Variants in NEK1 observed in about 807,000 individuals in gnomAD.
NEK1 encodes NIMA related kinase 1.
Under a neutral mutation model 182.1 loss-of-function variants are expected in NEK1, and 137 were observed. That is an observed-to-expected ratio of 0.75 (90% CI 0.65 to 0.87). The LOEUF (loss-of-function observed/expected upper bound fraction) is 0.87. Among genes scored for constraint, NEK1 ranks in the 40% least tolerant of loss-of-function variants. The pLI is 0.00. For synonymous variants in NEK1, 513 were observed against 492.2 expected (o/e 1.04, Z -0.56); for missense variants, 1,391 against 1,494.4 (o/e 0.93, Z 1.14).
intron 26 of NEK1, among the ~76,000 whole-genome samples, chr4:169,468,349 G>A (rs1745313737): frequency 6.6e-6 from 1 of 152,094 alleles, no homozygotes; most frequent in Admixed American, 6.6e-5. Context: ...TTAGGCAGGG[G>A]CAAACTTTCT....
intron 11 of NEK1, among the ~76,000 whole-genome samples, chr4:169,579,429 G>A (rs1397596021): frequency 1.3e-5 from 2 of 152,252 alleles, no homozygotes; most frequent in East Asian, 3.9e-4. Flanking sequence ...TTGGTCTCTT[G>A]TAAATTCTAA....
At chr4:169,577,229 T>A (rs1765835056) in intron 11 of NEK1, 150 bp from the exon 12 acceptor site, 1 of 801,204 alleles carries the variant, frequency 1.2e-6, no homozygotes, top group Non-Finnish European at 1.9e-6. Context: ...CCCTTAGTAT[T>A]TACTAATGCC....
At chr4:169,424,363 C>G (rs963001510) in intron 31 of NEK1, among the ~76,000 whole-genome samples, 190 bp downstream of exon 31, 1 of 152,072 alleles carries the variant, frequency 6.6e-6, no homozygotes, top group Non-Finnish European at 1.5e-5. Flanking sequence ...GAACAGGAAG[C>G]CAATGAAATA....
At position 169,511,734 on chromosome 4, in the gene NEK1, T is replaced by C. The variant is rs552008558; in HGVS notation, c.1666-2882A>G. Among the ~76,000 whole-genome samples the C allele has an allele frequency of 4.6e-5, 7 of 152,272 alleles. 1 individual carries two copies. Among genetic ancestry groups the C allele is most frequent in the Admixed American group, 2.6e-4 (4 of 15,284 alleles). On this transcript the variant is annotated intron_variant, in intron 19 of 35. Coordinates refer to ENST00000507142, the MANE Select transcript of NEK1 (RefSeq NM_001199397.3). ...TATGTTAATTCCACCCTAATCAAGA[T>C]GCTTAGCTGTATTATTACTGGAACA...
intron 33 of NEK1, 73 bp from the exon 34 acceptor site, chr4:169,400,724 C>A: frequency 1.8e-6 from 2 of 1,084,160 alleles, no homozygotes; most frequent in South Asian, 2.0e-5. Flanking sequence ...GACTAAAATT[C>A]TATGACAAAT....
intron 23 of NEK1, among the ~76,000 whole-genome samples, chr4:169,498,718 T>C (rs987445682): frequency 6.6e-6 from 1 of 152,250 alleles, no homozygotes; most frequent in Admixed American, 6.5e-5. Flanking sequence ...TCTTTAAGAA[T>C]GTTGAATAAT....
chr4:169,456,019 C>T (rs1742811232), intron 27 of NEK1, among the ~76,000 whole-genome samples: 1 of 152,154 alleles, frequency 6.6e-6, no homozygotes, highest in Admixed American at 6.5e-5. Flanking sequence ...AGTTTCTTCT[C>T]TGACCACAAT....
chr4:169,510,723 T>A (rs1167085736), intron 19 of NEK1, among the ~76,000 whole-genome samples: 1 of 152,194 alleles, frequency 6.6e-6, no homozygotes, highest in African/African-American at 2.4e-5. Flanking sequence ...ATTTGTGATC[T>A]CGCCATTTCT....
intron 23 of NEK1, among the ~76,000 whole-genome samples, chr4:169,503,422 C>G (rs1398316066): frequency 6.6e-6 from 1 of 151,984 alleles, no homozygotes; most frequent in African/African-American, 2.4e-5. Context: ...CAAAGTTATC[C>G]TGAGCAAAAA....
intron 27 of NEK1, among the ~76,000 whole-genome samples, chr4:169,446,510 C>A (rs568892383): frequency 6.6e-6 from 1 of 152,180 alleles, no homozygotes; most frequent in South Asian, 2.1e-4. Context: ...CACCGATGAA[C>A]ACCCATAACA....
intron 26 of NEK1, among the ~76,000 whole-genome samples, chr4:169,468,365 G>C (rs1745316816): frequency 6.6e-6 from 1 of 152,140 alleles, no homozygotes; most frequent in African/African-American, 2.4e-5. Context: ...TTTCTGGGGT[G>C]ATGTTAATGT....
chr4:169,425,442 GAA>G lies in NEK1; in HGVS notation c.2975-644_2975-643del, dbSNP rs35489092. ...GTCTCTCAAGAAAAACAAACAAAAT[GAA>G]AAAAAAAAAAAGACATAAATCCAAA... On this transcript the variant is annotated intron_variant, in intron 30 of 35. Transcript: ENST00000507142. Among the ~76,000 whole-genome samples, 24 of 100,744 alleles carry G rather than the reference GAA, an allele frequency of 2.4e-4. No individual in the cohort carries two copies. The South Asian group carries it at 6.5e-3, about 27-fold the overall frequency. The allele number at this position is 100,744 out of a possible 152,430, so 66.1% of individuals were successfully genotyped here.
intron 12 of NEK1, among the ~76,000 whole-genome samples, chr4:169,575,965 CTTTT>C (rs1292469970): frequency 3.3e-5 from 5 of 150,288 alleles, no homozygotes; most frequent in Admixed American, 6.6e-5. Flanking sequence ...TTCTAAATTT[CTTTT>C]TTGTTTTTTT....
Position 169,438,167 on chromosome 4 carries a change from C to A in NEK1, c.2680G>T (p.Val894Phe). The change falls in exon 28 of 36, where the codon GTT becomes TTT. Residue 894 changes from valine (V) to phenylalanine (F), a missense_variant. Physicochemically the swap from Val to Phe is conservative, Grantham distance 50 (BLOSUM62 -1). Around this residue, in one of 5 missense-constraint regions of NEK1, gnomAD observed 1,216 missense variants for 1,277.6 expected, o/e 0.95. Coordinates refer to ENST00000507142, the MANE Select transcript of NEK1 (RefSeq NM_001199397.3). ...CTTTTTGTCTCAACAGGAGAATCAACAATAGCTGATGGGTTTATTTCATGT... is the reference window on the plus strand; with the variant it reads ...CTTTTTGTCTCAACAGGAGAATCAAAAATAGCTGATGGGTTTATTTCATGT... ...ISHEINPSAI[V>F]DSPVETKSPE... is the part of the protein sequence containing the mutation. 6.2e-7 allele frequency: 1 copy of A among 1,607,494 alleles called. No individual in the cohort carries two copies. The highest frequency in any genetic ancestry group is 8.5e-7 in the Non-Finnish European group (1 of 1,176,502).
chr4:169,610,774 G>A (rs555044453), intron 2 of NEK1, among the ~76,000 whole-genome samples: 68 of 152,292 alleles, frequency 4.5e-4, no homozygotes, highest in Admixed American at 7.2e-4. Context: ...AGGTGTTTCA[G>A]ATATTCTATA....
At chr4:169,595,404 A>G (rs1037405419) in intron 5 of NEK1, among the ~76,000 whole-genome samples, 1 of 152,182 alleles carries the variant, frequency 6.6e-6, no homozygotes, top group Admixed American at 6.5e-5. Flanking sequence ...ACTTAAAATG[A>G]TATTTGATCT....
intron 11 of NEK1, among the ~76,000 whole-genome samples, chr4:169,578,823 G>A (rs948439916): frequency 2.0e-5 from 3 of 152,092 alleles, no homozygotes; most frequent in Admixed American, 1.3e-4. Context: ...GATATACGAC[G>A]TGATAGGGTA....
intron 11 of NEK1, 59 bp from the exon 12 acceptor site, chr4:169,577,138 C>A: frequency 6.6e-7 from 1 of 1,516,112 alleles, no homozygotes; most frequent in Non-Finnish European, 9.1e-7. Flanking sequence ...TCTTTACTTT[C>A]AGAATTCTTC....
At chr4:169,396,365 CAAAAAAAAAAAAAAAAAA>C (rs70961598) in intron 35 of NEK1, among the ~76,000 whole-genome samples, 5 of 38,052 alleles carry the variant, frequency 1.3e-4, no homozygotes, top group South Asian at 3.5e-3. Context: ...GACTCCATCT[CAAAAAAAAAAAAAAAAAA>C]AAAAAAAAAA....
Sources: gnomAD v4.1 joint callset for allele counts (sites outside exome capture counted in the v4.1 genomes callset) on GRCh38, gnomAD v4.1.1 for gene constraint, gnomAD v4.1.1 regional missense constraint, MANE v1.5 for transcripts, NCBI Gene and HGNC (gene_info 2026-07-23, HGNC 2026-07-21) for gene names.